The following RILPL2 variants were observed in gnomAD, a reference collection of about 807,000 sequenced individuals.
The protein encoded by RILPL2 is RILP-like protein 2.
RILPL2 carries 19 observed loss-of-function variants against 22.2 expected under a neutral mutation model. The observed-to-expected ratio is 0.86, with a 90% confidence interval of 0.60 to 1.25. The LOEUF (loss-of-function observed/expected upper bound fraction) is 1.25, where lower values mean the gene tolerates loss of function less well. Among genes scored for constraint, RILPL2 ranks in the 50% most tolerant of loss-of-function variants. The pLI is 0.00. For synonymous variants in RILPL2, 123 were observed against 111.6 expected (o/e 1.10, Z -0.64); for missense variants, 243 against 263.6 (o/e 0.92, Z 0.54).
At chr12:123,426,590 CTCTT>C (rs943285665) in intron 2 of RILPL2, among the ~76,000 whole-genome samples, 10 of 152,022 alleles carry the variant, frequency 6.6e-5, no homozygotes, top group South Asian at 2.1e-4. Context: ...CCAATGATGA[CTCTT>C]TCTTTCTTTC....
At position 123,430,525 on chromosome 12, in the gene RILPL2, C is replaced by T. The variant is rs1299275613; in HGVS notation, c.474G>A (p.Glu158=). Residue 158 remains glutamate, a synonymous_variant, in exon 2 of 4, where the codon GAG becomes GAA. Transcript: ENST00000280571. ...LKSQLLVVQE[E]LQCYKSGLIP... ...GAGCCCACCTCTTGTAGCACTGCAG[C>T]TCTTCCTGCACCACCAGGAGCTGCG... is the stretch of plus-strand genomic sequence containing the variant. The T allele has an allele frequency of 2.5e-6, 4 of 1,606,582 alleles. No homozygotes were observed. Among genetic ancestry groups the T allele is most frequent in the African/African-American group, 1.3e-5 (1 of 74,388 alleles).
At chr12:123,411,976 T>A (rs1426320358), downstream of RILPL2, 3 of 152,070 alleles carry the variant, frequency 2.0e-5, no homozygotes, top group African/African-American at 7.3e-5. Flanking sequence ...GGACTTATTT[T>A]CCAAAATGCC....
rs543724736 is a variant in RILPL2 at position 123,424,459 on chromosome 12, G to A, written c.492-1302C>T. On this transcript the variant is annotated intron_variant, in intron 2 of 3. Coordinates refer to ENST00000280571, the MANE Select transcript of RILPL2 (RefSeq NM_145058.3). The stretch of plus-strand genomic sequence containing the variant: ...TGATTCTCCTGCCTCAGCCTCCCAA[G>A]TAGCTGGGATTACAGGTGTGCACCA... 3.7e-3 allele frequency among the ~76,000 whole-genome samples: 558 copies of A among 151,510 alleles called. 4 individuals carry two copies. The highest frequency in any genetic ancestry group is 0.013 in the African/African-American group (522 of 41,348).
chr12:123,432,022 G>A (rs1162644682), intron 1 of RILPL2, among the ~76,000 whole-genome samples: 2 of 151,546 alleles, frequency 1.3e-5, no homozygotes, highest in Non-Finnish European at 2.9e-5. Flanking sequence ...AGCCTCCCTA[G>A]TAGCTGGGAT....
intron 3 of RILPL2, among the ~76,000 whole-genome samples, chr12:123,416,307 G>C (rs1879116307): frequency 6.6e-6 from 1 of 151,952 alleles, no homozygotes. Context: ...CTGGGCGACA[G>C]AGCAAGACAC....
chr12:123,409,550 C>CTTTT, the RILPL2 span, among the ~76,000 whole-genome samples: 71 of 122,172 alleles, frequency 5.8e-4, no homozygotes, highest in African/African-American at 1.8e-3. Flanking sequence ...AAAGTTAATG[C>CTTTT]TTTTTTTTTT....
chr12:123,414,858 G>A (rs1162356536), downstream of RILPL2: 1 of 149,664 alleles, frequency 6.7e-6, no homozygotes, highest in African/African-American at 2.4e-5. Context: ...GTGAACGTAG[G>A]CAGCAGAGCT....
At chr12:123,416,159 T>TAAA (rs11389907) in intron 3 of RILPL2, among the ~76,000 whole-genome samples, 1 of 142,584 alleles carries the variant, frequency 7.0e-6, no homozygotes. Flanking sequence ...ACCCCATCTC[T>TAAA]AAAAAAAAAA....
At chr12:123,435,791 A>G (rs771949172) in intron 1 of RILPL2, among the ~76,000 whole-genome samples, 44 of 151,992 alleles carry the variant, frequency 2.9e-4, no homozygotes, top group Non-Finnish European at 6.0e-4. Flanking sequence ...CAAACTGTGG[A>G]CCCTGGGCCA....
Position 123,436,565 on chromosome 12 carries a change from G to T in RILPL2, c.-145C>A. 7.5e-7 allele frequency: 1 copy of T among 1,327,950 alleles called. No homozygotes were observed. Among genetic ancestry groups the T allele is most frequent in the Non-Finnish European group, 1.0e-6 (1 of 1,001,462 alleles). The allele number at this position is 1,327,950 out of a possible 1,614,324, so 82.3% of individuals were successfully genotyped here. A position where few individuals can be genotyped will look rare whatever the true frequency, so the allele number is the denominator to read the frequency against. Reference sequence around the variant, plus strand: ...GCCCGGGGGTGGGCCCGGGGGGATGGTGCAAGGGGCCGCGCACGCGACTCT... The same window carrying T: ...GCCCGGGGGTGGGCCCGGGGGGATGTTGCAAGGGGCCGCGCACGCGACTCT... On this transcript the variant is annotated 5_prime_UTR_variant, in exon 1 of 4. Transcript: ENST00000280571. The surrounding 1 kb of genome is among the most constrained non-coding windows in gnomAD (Gnocchi z 6.7).
At position 123,430,628 on chromosome 12, in the gene RILPL2, T is replaced by G. The variant is rs768910526; in HGVS notation, c.371A>C (p.Asp124Ala). The G allele has an allele frequency of 6.2e-7, 1 of 1,604,530 alleles. No homozygotes were observed. Among genetic ancestry groups the G allele is most frequent in the Non-Finnish European group, 8.5e-7 (1 of 1,173,968 alleles). Residue 124 changes from aspartate (D) to alanine (A), a missense_variant, in exon 2 of 4, where the codon GAC (aspartate) becomes GCC (alanine). By Grantham distance (126) the Asp-to-Ala change is moderately radical. Coordinates refer to ENST00000280571, the MANE Select transcript of RILPL2 (RefSeq NM_145058.3). ...VNLGPNKMVV[D>A]LTDPNRPRFT... ...GCGGGGTCGGTTGGGATCTGTCAGG[T>G]CAACCACCATTTTGTTTGGGCCCAG...
chr12:123,419,606 C>A (rs974197315), intron 3 of RILPL2, among the ~76,000 whole-genome samples: 1 of 130,358 alleles, frequency 7.7e-6, no homozygotes, highest in Admixed American at 8.1e-5. Context: ...TCCCTTTTTT[C>A]TTTTTTTTTT....
At chr12:123,418,963 C>T (rs529104978) in intron 3 of RILPL2, among the ~76,000 whole-genome samples, 11 of 150,484 alleles carry the variant, frequency 7.3e-5, no homozygotes, top group South Asian at 2.1e-4. Context: ...GTGATCTGCC[C>T]GCCTCAGCCT....
At chr12:123,418,762 T>C (rs1453167573) in intron 3 of RILPL2, among the ~76,000 whole-genome samples, 139 of 143,658 alleles carry the variant, frequency 9.7e-4, no homozygotes, top group African/African-American at 1.6e-3. Flanking sequence ...CTTTCTTTTT[T>C]TTTTTTTTTT....
chr12:123,416,084 T>A (rs1879109236), intron 3 of RILPL2, among the ~76,000 whole-genome samples, 163 bp from the exon 4 acceptor site: 1 of 151,688 alleles, frequency 6.6e-6, no homozygotes, highest in Non-Finnish European at 1.5e-5. Flanking sequence ...TTTGGGAAGC[T>A]GAGGCAAGAG....
chr12:123,422,324 TG>T (rs1488695439), intron 3 of RILPL2, among the ~76,000 whole-genome samples: 1 of 151,622 alleles, frequency 6.6e-6, no homozygotes, highest in East Asian at 1.9e-4. Context: ...AAGACCAGCC[TG>T]TCCAACATGG....
Position 123,436,259 on chromosome 12 carries a change from G to A in RILPL2, c.162C>T (p.Ala54=), listed in dbSNP as rs543553769. The change falls in exon 1 of 4, where the codon GCC becomes GCT. Residue 54 remains alanine (A), a synonymous_variant. Coordinates refer to ENST00000280571, the MANE Select transcript of RILPL2 (RefSeq NM_145058.3). The surrounding 1 kb of genome is among the most constrained non-coding windows in gnomAD (Gnocchi z 6.7). The part of the protein sequence containing the change: ...ISYLLGRELM[A]LGSDPRVTQL... ...GCGTCACCCGGGGGTCGCTGCCCAG[G>A]GCCATAAGCTCGCGGCCCAACAGGT... 1 of 1,610,934 alleles carries A rather than the reference G, an allele frequency of 6.2e-7. No homozygotes were observed. The highest frequency in any genetic ancestry group is 1.1e-5 in the South Asian group (1 of 90,388).
At chr12:123,427,437 C>A (rs1879473701) in intron 2 of RILPL2, among the ~76,000 whole-genome samples, 1 of 152,158 alleles carries the variant, frequency 6.6e-6, no homozygotes, top group Non-Finnish European at 1.5e-5. Context: ...AAAACAGAAT[C>A]CACCTCTTGA....
intron 1 of RILPL2, among the ~76,000 whole-genome samples, chr12:123,435,085 C>G (rs1470282244): frequency 6.6e-6 from 1 of 151,582 alleles, no homozygotes; most frequent in African/African-American, 2.4e-5. Flanking sequence ...GAGGCTGAGG[C>G]AGGAGAATCG....
Sources: allele counts gnomAD v4.1 joint callset (sites outside exome capture counted in the v4.1 genomes callset), GRCh38; gene constraint gnomAD v4.1.1; non-coding constraint Gnocchi (gnomAD v3.1); transcripts MANE v1.5; gene names NCBI Gene and HGNC (gene_info 2026-07-23, HGNC 2026-07-21).